HLA-E: variants seen among roughly 807,000 people sequenced by gnomAD.
HLA-E encodes major histocompatibility complex, class I, E.
Under a neutral mutation model 43.4 loss-of-function variants are expected in HLA-E, and 25 were observed. The ratio of observed to expected loss-of-function variants is 0.58; its 90% CI spans 0.42 to 0.80. HLA-E has a LOEUF of 0.80. Ranked by LOEUF, HLA-E falls within the 30% of genes least tolerant of loss-of-function variation. HLA-E has a pLI of 0.00. For synonymous variants in HLA-E, 161 were observed against 197.6 expected (o/e 0.81, Z 1.55); for missense variants, 343 against 470.0 (o/e 0.73, Z 2.50).
In HLA-E at chr6:30,490,187, G is replaced by T. The variant is rs1796443644; in HGVS notation, c.335-53G>T. On this transcript the variant is annotated intron_variant, in intron 2 of 7. Transcript: ENST00000376630. The surrounding 1 kb of genome is among the most constrained non-coding windows in gnomAD (Gnocchi z 6.6). ...TTTAGGCCAAAATGCCCACAGGGTG[G>T]TGGCGACGGGGGCGGGGCTTGGTGG... 6.3e-7 allele frequency: 1 copy of T among 1,588,160 alleles called. No individual in the cohort carries two copies. Among genetic ancestry groups the T allele is most frequent in the African/African-American group, 1.3e-5 (1 of 74,446 alleles).
Position 30,492,899 on chromosome 6 carries a change from G to A in HLA-E, c.*153G>A. The A allele has an allele frequency of 4.0e-6, 2 of 500,886 alleles. No individual in the cohort carries two copies. Among genetic ancestry groups the A allele is most frequent in the Non-Finnish European group, 7.0e-6 (2 of 283,902 alleles). The allele number at this position is 500,886 out of a possible 1,614,324, so 31.0% of individuals were successfully genotyped here. The stretch of plus-strand genomic sequence containing the variant: ...TCTGAATCTGTCTGTGTCCCTGTTA[G>A]CACAATGTGAGGAGGTAGAGAAACA... On this transcript the variant is annotated 3_prime_UTR_variant, in exon 8 of 8. Coordinates refer to ENST00000376630, the MANE Select transcript of HLA-E (RefSeq NM_005516.6). This position sits in a 1 kb window ranked among gnomAD's most constrained non-coding sequence, Gnocchi z 4.5.
At position 30,491,557 on chromosome 6, in the gene HLA-E, A is replaced by G; in HGVS notation, c.907A>G (p.Ile303Val). 6.2e-7 allele frequency: 1 copy of G among 1,613,428 alleles called. No individual in the cohort carries two copies. Among genetic ancestry groups the G allele is most frequent in the South Asian group, 1.1e-5 (1 of 91,076 alleles). The change falls in exon 5 of 8, where the codon ATC becomes GTC. Residue 303 changes from isoleucine to valine, a missense_variant. By Grantham distance (29) the Ile-to-Val change is conservative (BLOSUM62 3). Transcript: ENST00000376630. The surrounding 1 kb of genome is among the most constrained non-coding windows in gnomAD (Gnocchi z 5.4). ...CCCAGAGCCGGCTTCCCAGCCCACC[A>G]TCCCCATCGTGGGCATCATTGCTGG... ...LRWKPASQPTIPIVGIIAGLV... is the reference protein window; with the variant it reads ...LRWKPASQPTVPIVGIIAGLV...
chr6:30,489,845 G>GC lies in HLA-E; in HGVS notation c.185dup (p.Ser63GlufsTer73). The GC allele has an allele frequency of 6.2e-7, 1 of 1,613,052 alleles. No homozygotes were observed. The highest frequency in any genetic ancestry group is 8.5e-7 in the Non-Finnish European group (1 of 1,180,002). ...GTTCGTGCGCTTCGACAACGACGCC[G>GC]CGAGTCCGAGGATGGTGCCGCGGGC... On this transcript the variant is annotated frameshift_variant, in exon 2 of 8. Transcript: ENST00000376630. LOFTEE classifies it high-confidence loss of function. The surrounding 1 kb of genome is among the most constrained non-coding windows in gnomAD (Gnocchi z 5.6).
rs749920862 is a variant in HLA-E at position 30,489,656 on chromosome 6, G to T, written c.64+61G>T. On this transcript the variant is annotated intron_variant, in intron 1 of 7. Coordinates refer to ENST00000376630, the MANE Select transcript of HLA-E (RefSeq NM_005516.6). The surrounding 1 kb of genome is among the most constrained non-coding windows in gnomAD (Gnocchi z 5.6). ...GGGAGTAGAGAGGGGCCGGCCCGGC[G>T]GGGGCGAAGGACTCGGGGAGCCGCG... The T allele has an allele frequency of 6.5e-5, 105 of 1,606,418 alleles. No homozygotes were observed. The highest frequency in any genetic ancestry group is 2.0e-4 in the East Asian group (9 of 44,806).
chr6:30,490,300 G>A lies in HLA-E; in HGVS notation c.395G>A (p.Arg132His). The A allele has an allele frequency of 6.2e-7, 1 of 1,613,054 alleles. No homozygotes were observed. Among genetic ancestry groups the A allele is most frequent in the Non-Finnish European group, 8.5e-7 (1 of 1,180,030 alleles). Residue 132 changes from arginine to histidine, a missense_variant, in exon 3 of 8, where the codon CGC becomes CAC. Physicochemically the swap from Arg to His is conservative, Grantham distance 29 (BLOSUM62 0). Transcript: ENST00000376630. This position sits in a 1 kb window ranked among gnomAD's most constrained non-coding sequence, Gnocchi z 6.6. The stretch of plus-strand genomic sequence containing the variant: ...CTGGGGCCCGACGGGCGCTTCCTCC[G>A]CGGGTATGAACAGTTCGCCTACGAC... ...CELGPDGRFLRGYEQFAYDGK... is the reference protein window; with the variant it reads ...CELGPDGRFLHGYEQFAYDGK...
At position 30,491,501 on chromosome 6, in the gene HLA-E, G is replaced by C; in HGVS notation, c.887-36G>C. The C allele has an allele frequency of 6.2e-7, 1 of 1,611,168 alleles. No individual in the cohort carries two copies. The highest frequency in any genetic ancestry group is 8.5e-7 in the Non-Finnish European group (1 of 1,178,232). ...TCCGCAGGGTCAGGGCTGAGGCCTGGGGGTCAGGGCCCCTTACGTTCCCCT... is the reference window on the plus strand; with the variant it reads ...TCCGCAGGGTCAGGGCTGAGGCCTGCGGGTCAGGGCCCCTTACGTTCCCCT... On this transcript the variant is annotated intron_variant, in intron 4 of 7. Coordinates refer to ENST00000376630, the MANE Select transcript of HLA-E (RefSeq NM_005516.6). The surrounding 1 kb of genome is among the most constrained non-coding windows in gnomAD (Gnocchi z 5.4).
chr6:30,490,418 C>G lies in HLA-E; in HGVS notation c.513C>G (p.Ala171=). The change falls in exon 3 of 8, where the codon GCC becomes GCG. Residue 171 remains alanine (A), a synonymous_variant. Transcript: ENST00000376630. The surrounding 1 kb of genome is among the most constrained non-coding windows in gnomAD (Gnocchi z 6.6). Reference sequence around the variant, plus strand: ...TCTCCGAGCAAAAGTCAAATGATGCCTCTGAGGCGGAGCACCAGAGAGCCT... The same window carrying G: ...TCTCCGAGCAAAAGTCAAATGATGCGTCTGAGGCGGAGCACCAGAGAGCCT... The part of the protein sequence containing the change: ...AQISEQKSND[A]SEAEHQRAYL... 1.9e-6 allele frequency: 3 copies of G among 1,613,102 alleles called. No homozygotes were observed. Among genetic ancestry groups the G allele is most frequent in the Non-Finnish European group, 2.5e-6 (3 of 1,180,046 alleles).
rs1796454224 is a variant in HLA-E, at chr6:30,490,277, G to A, written c.372G>A (p.Leu124=). The A allele has an allele frequency of 1.9e-6, 3 of 1,612,872 alleles. No homozygotes were observed. Among genetic ancestry groups the A allele is most frequent in the Non-Finnish European group, 1.7e-6 (2 of 1,179,980 alleles). ...TGCAGTGGATGCATGGCTGCGAGCT[G>A]GGGCCCGACGGGCGCTTCCTCCGCG... The part of the protein sequence containing the change: ...HTLQWMHGCE[L]GPDGRFLRGY... The change falls in exon 3 of 8, where the codon CTG becomes CTA. Residue 124 remains leucine, a synonymous_variant. Coordinates refer to ENST00000376630, the MANE Select transcript of HLA-E (RefSeq NM_005516.6). The surrounding 1 kb of genome is among the most constrained non-coding windows in gnomAD (Gnocchi z 6.6).
rs1015593790 is a variant in HLA-E, at chr6:30,492,187, A to C, written c.1004-217A>C. Among the ~76,000 whole-genome samples, 4 of 152,192 alleles carry C rather than the reference A, an allele frequency of 2.6e-5. No homozygotes were observed. Among genetic ancestry groups the C allele is most frequent in the African/African-American group, 9.7e-5 (4 of 41,440 alleles). ...GTGGTGATGGGGACCTGATCCCAGC[A>C]GTCACAGGTCACAGGGGAAGGTCCC... On this transcript the variant is annotated intron_variant, in intron 5 of 7. Transcript: ENST00000376630. The surrounding 1 kb of genome is among the most constrained non-coding windows in gnomAD (Gnocchi z 4.5).
At position 30,491,089 on chromosome 6, in the gene HLA-E, TCCCATGAGAGATA is replaced by T. The variant is rs1311416201; in HGVS notation, c.611-46_611-34del. 4 of 1,602,966 alleles carry T rather than the reference TCCCATGAGAGATA, an allele frequency of 2.5e-6. No individual in the cohort carries two copies. The Admixed American group carries it at 5.0e-5, about 20-fold the overall frequency. ...TGGTCACATGGGTGCTGCTGGAGTG[TCCCATGAGAGATA>T]CAAAGTGCCTGAATTTTCTGACTCT... On this transcript the variant is annotated intron_variant, in intron 3 of 7. Transcript: ENST00000376630. The surrounding 1 kb of genome is among the most constrained non-coding windows in gnomAD (Gnocchi z 5.4).
Position 30,490,405 on chromosome 6 carries a change from AG to A in HLA-E, c.501del (p.Lys167AsnfsTer44), listed in dbSNP as rs1428802624. The A allele has an allele frequency of 6.2e-7, 1 of 1,613,072 alleles. No individual in the cohort carries two copies. The highest frequency in any genetic ancestry group is 1.1e-5 in the South Asian group (1 of 91,086). Reference sequence around the variant, plus strand: ...ACGGCGGCTCAGATCTCCGAGCAAAAGTCAAATGATGCCTCTGAGGCGGAGC... The same window carrying A: ...ACGGCGGCTCAGATCTCCGAGCAAAATCAAATGATGCCTCTGAGGCGGAGC... ...VDTAAQISEQKSNDASEAEHQ... is the reference protein window; with the variant it reads ...VDTAAQISEQXSNDASEAEHQ... On this transcript the variant is annotated frameshift_variant, in exon 3 of 8. Transcript: ENST00000376630. LOFTEE classifies it high-confidence loss of function. The surrounding 1 kb of genome is among the most constrained non-coding windows in gnomAD (Gnocchi z 6.6).
rs1271732946 is a variant in HLA-E, at chr6:30,490,436, G to A, written c.531G>A (p.Gln177=). The A allele has an allele frequency of 1.9e-6, 3 of 1,612,980 alleles. No homozygotes were observed. In the African/African-American group the frequency reaches 4.0e-5, roughly 22 times the overall value. The change falls in exon 3 of 8, where the codon CAG becomes CAA. Residue 177 remains glutamine, a synonymous_variant. Transcript: ENST00000376630. The surrounding 1 kb of genome is among the most constrained non-coding windows in gnomAD (Gnocchi z 6.6). ...KSNDASEAEH[Q]RAYLEDTCVE... ...ATGATGCCTCTGAGGCGGAGCACCA[G>A]AGAGCCTACCTGGAAGACACATGCG...
At position 30,490,301 on chromosome 6, in the gene HLA-E, C is replaced by T; in HGVS notation, c.396C>T (p.Arg132=). The part of the protein sequence containing the change: ...CELGPDGRFL[R]GYEQFAYDGK... ...TGGGGCCCGACGGGCGCTTCCTCCG[C>T]GGGTATGAACAGTTCGCCTACGACG... The change falls in exon 3 of 8, where the codon CGC becomes CGT. Residue 132 remains arginine (R), a synonymous_variant. Coordinates refer to ENST00000376630, the MANE Select transcript of HLA-E (RefSeq NM_005516.6). This position sits in a 1 kb window ranked among gnomAD's most constrained non-coding sequence, Gnocchi z 6.6. 4 of 1,613,070 alleles carry T rather than the reference C, an allele frequency of 2.5e-6. No individual in the cohort carries two copies. Among genetic ancestry groups the T allele is most frequent in the Admixed American group, 3.3e-5 (2 of 60,032 alleles).
Position 30,491,612 on chromosome 6 carries a change from G to A in HLA-E, c.962G>A (p.Gly321Glu). 6.2e-7 allele frequency: 1 copy of A among 1,613,472 alleles called. No individual in the cohort carries two copies. Among genetic ancestry groups the A allele is most frequent in the Non-Finnish European group, 8.5e-7 (1 of 1,179,974 alleles). Residue 321 changes from glycine to glutamate, a missense_variant, in exon 5 of 8, where the codon GGA becomes GAA. Around this residue, in one of 3 missense-constraint regions of HLA-E, gnomAD observed 190 missense variants for 283.6 expected, o/e 0.67. Coordinates refer to ENST00000376630, the MANE Select transcript of HLA-E (RefSeq NM_005516.6). The surrounding 1 kb of genome is among the most constrained non-coding windows in gnomAD (Gnocchi z 5.4). Reference protein sequence around the residue: ...GLVLLGSVVSGAVVAAVIWRK... With the variant: ...GLVLLGSVVSEAVVAAVIWRK... ...GTTCTCCTTGGATCTGTGGTCTCTG[G>A]AGCTGTGGTTGCTGCTGTGATATGG... is the stretch of plus-strand genomic sequence containing the variant.
rs1335474711 is a variant in HLA-E at position 30,494,060 on chromosome 6, A to G, written c.*1314A>G. The G allele has an allele frequency of 6.6e-6, 1 of 152,256 alleles. No individual in the cohort carries two copies. Among genetic ancestry groups the G allele is most frequent in the Admixed American group, 6.5e-5 (1 of 15,282 alleles). The allele number at this position is 152,256 out of a possible 1,614,324, so 9.4% of individuals were successfully genotyped here. A position where few individuals can be genotyped will look rare whatever the true frequency, so the allele number is the denominator to read the frequency against. On this transcript the variant is annotated 3_prime_UTR_variant, in exon 8 of 8. Transcript: ENST00000376630. The surrounding 1 kb of genome is among the most constrained non-coding windows in gnomAD (Gnocchi z 4.9). Reference sequence around the variant, plus strand: ...GTCCGTGAGGCAGCACACGAAGTCAAAAGAGATTATTCTCTTCCCACAGAT... The same window carrying G: ...GTCCGTGAGGCAGCACACGAAGTCAGAAGAGATTATTCTCTTCCCACAGAT...
rs1389188027 is a variant in HLA-E, at chr6:30,493,273, G to A, written c.*527G>A. ...TGTGCGACTGCACTCCAGCCTGGGTGACAGGGTGAAACGCCATCTCAAAAA... is the reference window on the plus strand; with the variant it reads ...TGTGCGACTGCACTCCAGCCTGGGTAACAGGGTGAAACGCCATCTCAAAAA... On this transcript the variant is annotated 3_prime_UTR_variant, in exon 8 of 8. Transcript: ENST00000376630. This position sits in a 1 kb window ranked among gnomAD's most constrained non-coding sequence, Gnocchi z 5.5. The A allele has an allele frequency of 1.3e-5, 2 of 152,158 alleles. No individual in the cohort carries two copies. Among genetic ancestry groups the A allele is most frequent in the East Asian group, 3.8e-4 (2 of 5,198 alleles). The allele number at this position is 152,158 out of a possible 1,614,324, so 9.4% of individuals were successfully genotyped here.
Position 30,490,298 on chromosome 6 carries a change from C to A in HLA-E, c.393C>A (p.Leu131=). 1 of 1,613,068 alleles carries A rather than the reference C, an allele frequency of 6.2e-7. No homozygotes were observed. Among genetic ancestry groups the A allele is most frequent in the Non-Finnish European group, 8.5e-7 (1 of 1,180,020 alleles). The part of the protein sequence containing the change: ...GCELGPDGRF[L]RGYEQFAYDG... ...AGCTGGGGCCCGACGGGCGCTTCCT[C>A]CGCGGGTATGAACAGTTCGCCTACG... Residue 131 remains leucine, a synonymous_variant, in exon 3 of 8, where the codon CTC becomes CTA. Coordinates refer to ENST00000376630, the MANE Select transcript of HLA-E (RefSeq NM_005516.6). This position sits in a 1 kb window ranked among gnomAD's most constrained non-coding sequence, Gnocchi z 6.6.
chr6:30,492,650 T>C lies in HLA-E; in HGVS notation c.*2+67T>C. 6.6e-7 allele frequency: 1 copy of C among 1,513,602 alleles called. No homozygotes were observed. Among genetic ancestry groups the C allele is most frequent in the South Asian group, 1.2e-5 (1 of 85,816 alleles). 93.8% of individuals were successfully genotyped at this position (1,513,602 alleles called of 1,614,324 possible). The stretch of plus-strand genomic sequence containing the variant: ...AGGGGACAGGACTGGGTTGTGGGGA[T>C]TTTTTGATTCAGAATTTTTGAGTGT... On this transcript the variant is annotated intron_variant, in intron 7 of 7. Transcript: ENST00000376630. This position sits in a 1 kb window ranked among gnomAD's most constrained non-coding sequence, Gnocchi z 4.5.
At position 30,491,455 on chromosome 6, in the gene HLA-E, C is replaced by T. The variant is rs199731038; in HGVS notation, c.886+43C>T. 1,176 of 1,611,928 alleles carry T rather than the reference C, an allele frequency of 7.3e-4. 5 individuals are homozygous for T. Among genetic ancestry groups the T allele is most frequent in the Middle Eastern group, 5.4e-3 (33 of 6,056 alleles). On this transcript the variant is annotated intron_variant, in intron 4 of 7. Coordinates refer to ENST00000376630, the MANE Select transcript of HLA-E (RefSeq NM_005516.6). The surrounding 1 kb of genome is among the most constrained non-coding windows in gnomAD (Gnocchi z 5.4). Reference sequence around the variant, plus strand: ...AGGTCATGTCTCTTCTCAGGGAAAGCGGGAGCCCTTCTGGAGCCCTTCCGC... The same window carrying T: ...AGGTCATGTCTCTTCTCAGGGAAAGTGGGAGCCCTTCTGGAGCCCTTCCGC...
Sources: allele counts gnomAD v4.1 joint callset (sites outside exome capture counted in the v4.1 genomes callset), GRCh38; gene constraint gnomAD v4.1.1; regional missense constraint gnomAD v4.1.1; non-coding constraint Gnocchi (gnomAD v3.1); transcripts MANE v1.5; gene names NCBI Gene and HGNC (gene_info 2026-07-23, HGNC 2026-07-21).